The following GRID2 variants were observed in gnomAD, a reference collection of about 807,000 sequenced individuals.
GRID2 encodes glutamate receptor ionotropic, delta-2.
A neutral mutation model predicts 114.8 loss-of-function variants in GRID2; 33 were observed. The observed-to-expected ratio is 0.29, with a 90% CI of 0.22 to 0.38. GRID2 has a LOEUF of 0.38. Among genes scored for constraint, GRID2 ranks in the 10% least tolerant of loss-of-function variants. The pLI, the probability that GRID2 is intolerant of heterozygous loss-of-function variation, is 1.00. For synonymous variants in GRID2, 505 were observed against 449.9 expected, an observed-to-expected ratio of 1.12 and a Z score of -1.55; for missense variants, 1,184 against 1,257.7, an observed-to-expected ratio of 0.94 and a Z score of 0.89.
In GRID2 at chr4:92,324,311, A is replaced by G. The variant is rs183540252; in HGVS notation, c.88+19567A>G. ...TTCTTTCCTACTGTCTCTCCTGCCC[A>G]TCCTTTCTCTCTGTCCCCAGGCTCA... On this transcript the variant is annotated intron_variant, in intron 1 of 15. Transcript: ENST00000282020. 1.4e-4 allele frequency among the ~76,000 whole-genome samples: 22 copies of G among 151,996 alleles called. 1 individual carries two copies. In the East Asian group the frequency reaches 3.1e-3, roughly 21 times the overall value.
At chr4:93,378,033 G>A (rs772598579) in intron 8 of GRID2, among the ~76,000 whole-genome samples, 11 of 152,032 alleles carry the variant, frequency 7.2e-5, no homozygotes, top group Non-Finnish European at 1.6e-4. Flanking sequence ...AAAGCTCATA[G>A]GACTTTGTTG....
chr4:93,407,798 C>T (rs1294652500), intron 9 of GRID2, among the ~76,000 whole-genome samples: 1 of 120,864 alleles, frequency 8.3e-6, no homozygotes, highest in Non-Finnish European at 1.6e-5. Flanking sequence ...TCCTCCTCCT[C>T]GTCCTCCTCC....
At chr4:93,200,810 G>A (rs1742025953) in intron 4 of GRID2, among the ~76,000 whole-genome samples, 1 of 152,108 alleles carries the variant, frequency 6.6e-6, no homozygotes. Context: ...GTTCCAAACC[G>A]TACTAATCCC....
At chr4:93,455,573 ATT>A (rs200285077) in intron 10 of GRID2, 87 bp from the exon 11 acceptor site, 2 of 761,488 alleles carry the variant, frequency 2.6e-6, no homozygotes, top group Non-Finnish European at 2.2e-6. Context: ...TGAGGCATCT[ATT>A]TTTTTTTCCT....
intron 8 of GRID2, among the ~76,000 whole-genome samples, chr4:93,299,982 C>T (rs1482041262): frequency 1.3e-5 from 2 of 152,184 alleles, no homozygotes; most frequent in Non-Finnish European, 2.9e-5. Flanking sequence ...GCCCAAGTCC[C>T]TTATTTAAGA....
chr4:93,114,519 CTG>C (rs1178879308), intron 4 of GRID2, among the ~76,000 whole-genome samples: 2 of 152,074 alleles, frequency 1.3e-5, no homozygotes, highest in African/African-American at 4.8e-5. Context: ...TGTCTCCAAA[CTG>C]TGGACCAGTT....
At chr4:93,473,720 G>T (rs1725056858) in intron 11 of GRID2, among the ~76,000 whole-genome samples, 1 of 152,054 alleles carries the variant, frequency 6.6e-6, no homozygotes, top group Non-Finnish European at 1.5e-5. Context: ...ATGCAAGAAG[G>T]CTATAACTAA....
At chr4:93,379,421 T>C (rs1579884721) in intron 8 of GRID2, among the ~76,000 whole-genome samples, 1 of 152,034 alleles carries the variant, frequency 6.6e-6, no homozygotes, top group African/African-American at 2.4e-5. Context: ...GCTTATGCTG[T>C]CCCTTCCATT....
rs1298761980 is a variant in GRID2 at position 92,457,988 on chromosome 4, A to G, written c.89-132143A>G. Among the ~76,000 whole-genome samples the G allele has an allele frequency of 3.3e-5, 5 of 152,240 alleles. No homozygotes were observed. In the East Asian group the frequency reaches 9.6e-4, roughly 29 times the overall value. Reference sequence around the variant, plus strand: ...GAATAAGTGAAGTTATTTTTCAGTAAGAGTTTATGACATAAAGGGAAGTGA... The same window carrying G: ...GAATAAGTGAAGTTATTTTTCAGTAGGAGTTTATGACATAAAGGGAAGTGA... On this transcript the variant is annotated intron_variant, in intron 1 of 15. Coordinates refer to ENST00000282020, the MANE Select transcript of GRID2 (RefSeq NM_001510.4).
intron 2 of GRID2, among the ~76,000 whole-genome samples, chr4:92,688,050 T>C (rs1182113954): frequency 8.1e-6 from 1 of 124,006 alleles, no homozygotes; most frequent in African/African-American, 3.0e-5. Flanking sequence ...TTTTTTTTTT[T>C]TTTTTTTTTT....
In GRID2 at chr4:93,486,893, T is replaced by C. The variant is rs866005172; in HGVS notation, c.1859-3746T>C. Among the ~76,000 whole-genome samples, 4 of 151,910 alleles carry C rather than the reference T, an allele frequency of 2.6e-5. 1 individual carries two copies. The Middle Eastern group carries it at 0.014, about 517-fold the overall frequency. On this transcript the variant is annotated intron_variant, in intron 11 of 15. Transcript: ENST00000282020. Reference sequence around the variant, plus strand: ...CTTTTTTCTAACTTCATGAAGAATTTGTGTACAATTAAAATTAATTACTCC... The same window carrying C: ...CTTTTTTCTAACTTCATGAAGAATTCGTGTACAATTAAAATTAATTACTCC...
chr4:93,275,663 C>T (rs976483061), intron 8 of GRID2, among the ~76,000 whole-genome samples: 2 of 151,634 alleles, frequency 1.3e-5, no homozygotes, highest in Middle Eastern at 3.2e-3. Context: ...TTATTGCAAT[C>T]CTAGTGGATG....
intron 10 of GRID2, among the ~76,000 whole-genome samples, chr4:93,424,309 T>C (rs527451065): frequency 6.6e-6 from 1 of 152,222 alleles, no homozygotes; most frequent in East Asian, 1.9e-4. Flanking sequence ...TCCCATTTGG[T>C]ATAATTTACC....
chr4:93,161,007 A>G (rs1484341928), intron 4 of GRID2, among the ~76,000 whole-genome samples: 3 of 151,858 alleles, frequency 2.0e-5, no homozygotes, highest in African/African-American at 7.2e-5. Context: ...AATGATGTAT[A>G]TGGTGACAGT....
intron 14 of GRID2, among the ~76,000 whole-genome samples, chr4:93,720,027 A>C (rs1729219616): frequency 6.6e-6 from 1 of 152,216 alleles, no homozygotes; most frequent in Non-Finnish European, 1.5e-5. Context: ...GTTTCATCAT[A>C]GAATCCTTAA....
chr4:92,937,136 C>T (rs944754174), intron 2 of GRID2, among the ~76,000 whole-genome samples: 6 of 146,296 alleles, frequency 4.1e-5, no homozygotes, highest in African/African-American at 1.5e-4. Context: ...GCTTGTCTTT[C>T]TCTTTCCCTT....
chr4:92,928,910 A>G (rs1258968367), intron 2 of GRID2, among the ~76,000 whole-genome samples: 1 of 151,338 alleles, frequency 6.6e-6, no homozygotes, highest in Non-Finnish European at 1.5e-5. Flanking sequence ...GCAGTTTTTG[A>G]TTTCCCCATC....
At chr4:92,376,912 G>T (rs549491329) in intron 1 of GRID2, among the ~76,000 whole-genome samples, 2 of 152,254 alleles carry the variant, frequency 1.3e-5, no homozygotes, top group South Asian at 4.1e-4. Context: ...GGGACCCTGG[G>T]TCTGGTCCAC....
chr4:92,807,750 T>C (rs1740485856), intron 2 of GRID2, among the ~76,000 whole-genome samples: 1 of 151,966 alleles, frequency 6.6e-6, no homozygotes, highest in African/African-American at 2.4e-5. Flanking sequence ...TTATAACAAC[T>C]TCACGTTCTC....
Sources: allele counts gnomAD v4.1 joint callset (sites outside exome capture counted in the v4.1 genomes callset), GRCh38; gene constraint gnomAD v4.1.1; transcripts MANE v1.5; gene names NCBI Gene and HGNC (gene_info 2026-07-23, HGNC 2026-07-21).